The following METTL15 variants were observed in gnomAD, a reference collection of about 807,000 sequenced individuals.
The protein encoded by METTL15 is methyltransferase 15, mitochondrial 12S rRNA N4-cytidine, also known as 12S rRNA N(4)-cytidine methyltransferase METTL15.
METTL15 carries 34 observed loss-of-function variants against 38.3 expected under a neutral mutation model. The observed-to-expected ratio is 0.89, with a 90% CI of 0.68 to 1.18. The LOEUF (loss-of-function observed/expected upper bound fraction) is 1.18, where lower values mean the gene tolerates loss of function less well. Among genes scored for constraint, METTL15 ranks in the 50% most tolerant of loss-of-function variants. METTL15 has a pLI of 0.00. For synonymous variants in METTL15, 162 were observed against 170.9 expected (o/e 0.95, Z 0.41); for missense variants, 438 against 498.4 (o/e 0.88, Z 1.15).
At chr11:28,210,349 G>A (rs1852576979) in intron 3 of METTL15, among the ~76,000 whole-genome samples, 1 of 151,772 alleles carries the variant, frequency 6.6e-6, no homozygotes, top group Non-Finnish European at 1.5e-5. Flanking sequence ...GGTGGTGATG[G>A]TATCTTCTTT....
Position 28,296,793 on chromosome 11 carries a change from T to G in METTL15, c.640T>G (p.Leu214Val), listed in dbSNP as rs1415181576. 2.5e-6 allele frequency: 4 copies of G among 1,613,330 alleles called. No individual in the cohort carries two copies. The highest frequency in any genetic ancestry group is 2.5e-6 in the Non-Finnish European group (3 of 1,179,646). ...MPTAADVVNA[L>V]DQQALASILR... Reference sequence around the variant, plus strand: ...CACTGCTGCTGATGTTGTGAATGCTTTAGATCAACAGGCACTTGCATCTAT... The same window carrying G: ...CACTGCTGCTGATGTTGTGAATGCTGTAGATCAACAGGCACTTGCATCTAT... Residue 214 changes from leucine (L) to valine (V), a missense_variant, in exon 6 of 7, where the codon TTA becomes GTA. Coordinates refer to ENST00000407364, the MANE Select transcript of METTL15 (RefSeq NM_001113528.2).
chr11:28,163,529 ATCTCTCTC>A (rs756098921), intron 3 of METTL15: 3 of 338,534 alleles, frequency 8.9e-6, no homozygotes, highest in Admixed American at 9.8e-5. Flanking sequence ...CTTCTTACTG[ATCTCTCTC>A]TCTCTCTCTC....
intron 3 of METTL15, among the ~76,000 whole-genome samples, chr11:28,120,529 T>TA (rs763714465): frequency 6.5e-4 from 98 of 149,856 alleles, no homozygotes; most frequent in African/African-American, 1.7e-3. Flanking sequence ...GTATGTGAAT[T>TA]AAAAAAAAAC....
intron 3 of METTL15, among the ~76,000 whole-genome samples, chr11:28,133,247 G>T (rs1849397438): frequency 6.6e-6 from 1 of 152,144 alleles, no homozygotes; most frequent in African/African-American, 2.4e-5. Flanking sequence ...AAGGGTGCAA[G>T]GAGATTGTAG....
intron 3 of METTL15, among the ~76,000 whole-genome samples, chr11:28,176,139 G>T (rs1014755873): frequency 6.6e-6 from 1 of 151,830 alleles, no homozygotes; most frequent in Admixed American, 6.6e-5. Context: ...TTAAAAATTT[G>T]TATTTTTGTA....
chr11:28,346,314 A>G (rs1027101968), intron 3 of METTL15, among the ~76,000 whole-genome samples: 1 of 152,220 alleles, frequency 6.6e-6, no homozygotes, highest in Non-Finnish European at 1.5e-5. Flanking sequence ...GGAGTTAAAA[A>G]TGTTCCCAGT....
At chr11:28,245,192 C>G (rs986666642) in intron 4 of METTL15, among the ~76,000 whole-genome samples, 5 of 152,178 alleles carry the variant, frequency 3.3e-5, no homozygotes, top group African/African-American at 1.2e-4. Context: ...CAGCTCTACC[C>G]TTACTCACTG....
intron 4 of METTL15, among the ~76,000 whole-genome samples, chr11:28,233,282 G>C (rs923786993): frequency 5.9e-5 from 9 of 152,020 alleles, no homozygotes; most frequent in Non-Finnish European, 1.0e-4. Flanking sequence ...CTAAAGCTTT[G>C]TGTAGTAATC....
At chr11:28,308,443 C>T (rs1333595571) in intron 6 of METTL15, among the ~76,000 whole-genome samples, 1 of 152,064 alleles carries the variant, frequency 6.6e-6, no homozygotes, top group Non-Finnish European at 1.5e-5. Flanking sequence ...TACTGGTTCA[C>T]TCTTAAGGTA....
chr11:28,277,745 A>G (rs531398064), intron 4 of METTL15, among the ~76,000 whole-genome samples: 201 of 152,244 alleles, frequency 1.3e-3, no homozygotes, highest in Non-Finnish European at 2.5e-3. Context: ...CGTCATTTGA[A>G]GTAACATGGA....
intron 5 of METTL15, among the ~76,000 whole-genome samples, chr11:28,375,422 C>T (rs376523457): frequency 0.016 from 2,367 of 151,982 alleles, 68 homozygotes; most frequent in African/African-American, 0.055. Context: ...GGAATTTATC[C>T]ATTTCTTCTA....
intron 5 of METTL15, among the ~76,000 whole-genome samples, chr11:28,397,993 A>T (rs1460209606): frequency 6.6e-6 from 1 of 152,126 alleles, no homozygotes; most frequent in Non-Finnish European, 1.5e-5. Context: ...CAAGGACAAA[A>T]AACCAAAACA....
At chr11:28,360,675 T>C (rs1850129203) in intron 4 of METTL15, among the ~76,000 whole-genome samples, 1 of 152,104 alleles carries the variant, frequency 6.6e-6, no homozygotes, top group Non-Finnish European at 1.5e-5. Flanking sequence ...TTTTTTATTA[T>C]ACTTCAAGTT....
chr11:28,446,364 C>T (rs1420744539), intron 6 of METTL15, among the ~76,000 whole-genome samples: 2 of 152,124 alleles, frequency 1.3e-5, no homozygotes, highest in East Asian at 3.9e-4. Flanking sequence ...CTGGTGCTCT[C>T]GCCTTTGCTG....
intron 6 of METTL15, among the ~76,000 whole-genome samples, chr11:28,462,711 T>G (rs941936466): frequency 3.3e-5 from 5 of 152,052 alleles, no homozygotes; most frequent in Admixed American, 3.3e-4. Context: ...TGGTCCAACT[T>G]GGATTCCTAT....
At chr11:28,455,855 C>T (rs1035896802) in intron 6 of METTL15, among the ~76,000 whole-genome samples, 37 of 150,946 alleles carry the variant, frequency 2.5e-4, no homozygotes, top group Admixed American at 2.0e-3. Flanking sequence ...TACAGGTGCC[C>T]GCTACCACAC....
chr11:28,481,052 T>A (rs554667960), intron 6 of METTL15, among the ~76,000 whole-genome samples: 2 of 152,320 alleles, frequency 1.3e-5, no homozygotes, highest in East Asian at 3.9e-4. Context: ...AGAAATGTTA[T>A]GTTTTCATAA....
intron 6 of METTL15, among the ~76,000 whole-genome samples, chr11:28,473,827 G>A (rs912008313): frequency 5.3e-5 from 8 of 152,050 alleles, no homozygotes; most frequent in Non-Finnish European, 8.8e-5. Flanking sequence ...CTTGCAGGGT[G>A]TTTGCCTTTC....
At chr11:28,235,810 C>A (rs900810494) in intron 4 of METTL15, among the ~76,000 whole-genome samples, 1 of 152,182 alleles carries the variant, frequency 6.6e-6, no homozygotes, top group African/African-American at 2.4e-5. Flanking sequence ...CCTTCTCCTG[C>A]CTCATTGCCC....
Sources: allele counts gnomAD v4.1 joint callset (sites outside exome capture counted in the v4.1 genomes callset), GRCh38; gene constraint gnomAD v4.1.1; transcripts MANE v1.5; gene names NCBI Gene and HGNC (gene_info 2026-07-23, HGNC 2026-07-21).